Variants in ZFHX3 observed in about 807,000 individuals in gnomAD.
ZFHX3 encodes the protein zinc finger homeobox 3, also known as zinc finger homeobox protein 3.
In ZFHX3, 42 loss-of-function variants were observed where a neutral mutation model predicts 279.1. That is an observed-to-expected ratio of 0.15 (90% CI 0.12 to 0.19). The LOEUF (loss-of-function observed/expected upper bound fraction) is 0.19. Among genes scored for constraint, ZFHX3 ranks in the 10% least tolerant of loss-of-function variants. ZFHX3 has a pLI of 1.00. For missense variants in ZFHX3, 4,981 were observed against 4,754.0 expected (o/e 1.05, Z -1.40); for synonymous variants, 2,293 against 1,957.8 (o/e 1.17, Z -4.52).
intron 1 of ZFHX3, among the ~76,000 whole-genome samples, chr16:73,770,445 C>A (rs1196267389): frequency 6.6e-6 from 1 of 152,038 alleles, no homozygotes; most frequent in Non-Finnish European, 1.5e-5. Context: ...TGCCTTAAAC[C>A]ACTATGCTTA....
At chr16:73,475,944 A>G (rs1425305116) in intron 2 of ZFHX3, among the ~76,000 whole-genome samples, 2 of 152,190 alleles carry the variant, frequency 1.3e-5, no homozygotes, top group African/African-American at 4.8e-5. Context: ...GAATAAAAAT[A>G]TAAATGTATC....
At chr16:72,932,005 T>C (rs1320480847) in intron 3 of ZFHX3, among the ~76,000 whole-genome samples, 5 of 152,224 alleles carry the variant, frequency 3.3e-5, no homozygotes, top group African/African-American at 1.2e-4. Flanking sequence ...AAGCTGTGTA[T>C]TTCTAGATTG....
chr16:72,858,543 A>G (rs1050653521), intron 4 of ZFHX3, among the ~76,000 whole-genome samples: 1 of 152,206 alleles, frequency 6.6e-6, no homozygotes, highest in Non-Finnish European at 1.5e-5. Context: ...TAATCAATCA[A>G]TATCACTGGC....
upstream of ZFHX3, among the ~76,000 whole-genome samples, chr16:73,052,384 CT>C (rs1464866105): frequency 1.3e-5 from 2 of 151,414 alleles, no homozygotes; most frequent in Admixed American, 6.6e-5. Flanking sequence ...CAGTTCTCCC[CT>C]ATTAAGCTTC....
At chr16:73,349,645 CCTCTCTCCCTCCTTCCCTCT>C (rs1347704741) in intron 3 of ZFHX3, among the ~76,000 whole-genome samples, 2 of 31,800 alleles carry the variant, frequency 6.3e-5, no homozygotes, top group East Asian at 1.1e-3. Context: ...TCCCTCCCTC[CCTCTCTCCCTCCTTCCCTCT>C]CTCCCTCCTT....
At chr16:73,751,978 G>A (rs772281558) in intron 1 of ZFHX3, among the ~76,000 whole-genome samples, 89 of 152,296 alleles carry the variant, frequency 5.8e-4, no homozygotes, top group Non-Finnish European at 8.8e-4. Context: ...TTTGGAACAG[G>A]GATTCTGAGA....
At chr16:73,800,935 C>T (rs1960128653) in intron 1 of ZFHX3, among the ~76,000 whole-genome samples, 2 of 152,176 alleles carry the variant, frequency 1.3e-5, no homozygotes, top group South Asian at 2.1e-4. Flanking sequence ...CATGTGTCTC[C>T]GTTCTTCGGC....
intron 2 of ZFHX3, among the ~76,000 whole-genome samples, chr16:73,500,401 C>T (rs915135330): frequency 1.3e-5 from 2 of 152,046 alleles, no homozygotes; most frequent in African/African-American, 4.8e-5. Flanking sequence ...GATCTCCGCT[C>T]ACTGCAGCCT....
intron 3 of ZFHX3, among the ~76,000 whole-genome samples, chr16:73,333,068 G>A (rs2015836627): frequency 6.6e-6 from 1 of 151,854 alleles, no homozygotes; most frequent in African/African-American, 2.4e-5. Context: ...AGTTTTAGGA[G>A]ACAAAGATTT....
At chr16:73,453,404 C>T (rs1214179789) in intron 3 of ZFHX3, among the ~76,000 whole-genome samples, 1 of 152,178 alleles carries the variant, frequency 6.6e-6, no homozygotes, top group Admixed American at 6.5e-5. Flanking sequence ...CTTCCCTCAA[C>T]ATGGAACATT....
At chr16:73,312,319 A>G (rs1474954364) in intron 4 of ZFHX3, among the ~76,000 whole-genome samples, 1 of 152,180 alleles carries the variant, frequency 6.6e-6, no homozygotes, top group African/African-American at 2.4e-5. Context: ...ATGGGCCCAG[A>G]CCACAGAGCT....
At chr16:73,228,582 G>T (rs1235831042) in intron 5 of ZFHX3, among the ~76,000 whole-genome samples, 1 of 152,188 alleles carries the variant, frequency 6.6e-6, no homozygotes, top group Non-Finnish European at 1.5e-5. Flanking sequence ...AGGATTGCTT[G>T]AGCCTGGGAG....
At chr16:73,495,096 A>C (rs2019119330) in intron 2 of ZFHX3, among the ~76,000 whole-genome samples, 1 of 152,230 alleles carries the variant, frequency 6.6e-6, no homozygotes, top group South Asian at 2.1e-4. Flanking sequence ...TTACTGCTGC[A>C]GAGTACGTTG....
At chr16:72,962,142 C>T (rs867613372) in intron 1 of ZFHX3, among the ~76,000 whole-genome samples, 3 of 152,162 alleles carry the variant, frequency 2.0e-5, no homozygotes, top group South Asian at 2.1e-4. Flanking sequence ...CAGGAACATG[C>T]GGGAAGGGGG....
intron 2 of ZFHX3, among the ~76,000 whole-genome samples, chr16:73,575,437 G>A (rs1244092741): frequency 2.6e-5 from 4 of 152,092 alleles, no homozygotes; most frequent in African/African-American, 9.7e-5. Flanking sequence ...ACACAACACA[G>A]GGTCCACGAG....
chr16:73,528,591 G>A (rs2143721755), intron 2 of ZFHX3, among the ~76,000 whole-genome samples: 1 of 152,360 alleles, frequency 6.6e-6, no homozygotes, highest in African/African-American at 2.4e-5. Flanking sequence ...AAAAGTGCAG[G>A]AGGGAGTCGG....
At chr16:73,222,166 T>C (rs2012443115) in intron 5 of ZFHX3, among the ~76,000 whole-genome samples, 1 of 152,104 alleles carries the variant, frequency 6.6e-6, no homozygotes, top group South Asian at 2.1e-4. Context: ...ATGAGTAAGA[T>C]ACTAAGTGTG....
intron 4 of ZFHX3, among the ~76,000 whole-genome samples, chr16:73,264,167 C>T (rs768767998): frequency 3.3e-5 from 5 of 151,970 alleles, no homozygotes; most frequent in Non-Finnish European, 7.4e-5. Flanking sequence ...ACTCTATCTG[C>T]GGGGAAAAAA....
chr16:73,666,714 G>A (rs1419692327), intron 2 of ZFHX3, among the ~76,000 whole-genome samples: 1 of 151,754 alleles, frequency 6.6e-6, no homozygotes, highest in African/African-American at 2.4e-5. Flanking sequence ...CACTACAACC[G>A]AGATACTGAA....
Sources: gnomAD v4.1 joint callset for allele counts (sites outside exome capture counted in the v4.1 genomes callset) on GRCh38, gnomAD v4.1.1 for gene constraint, MANE v1.5 for transcripts, NCBI Gene and HGNC (gene_info 2026-07-23, HGNC 2026-07-21) for gene names.